Variants in FOXP1 observed in about 807,000 individuals in gnomAD.
FOXP1 encodes forkhead box P1.
In FOXP1, 15 loss-of-function variants were observed where a neutral mutation model predicts 98.2. The observed-to-expected ratio is 0.15, with a 90% CI of 0.10 to 0.24. The LOEUF is 0.24. Ranked by LOEUF, FOXP1 falls within the 10% of genes least tolerant of loss-of-function variation. The pLI, the probability that FOXP1 is intolerant of heterozygous loss-of-function variation, is 1.00. For synonymous variants in FOXP1, 371 were observed against 314.5 expected, an observed-to-expected ratio of 1.18 and a Z score of -1.90; for missense variants, 633 against 848.5, an observed-to-expected ratio of 0.75 and a Z score of 3.15.
At chr3:70,974,515 T>C (rs1175038764) in intron 17 of FOXP1, among the ~76,000 whole-genome samples, 9 of 152,092 alleles carry the variant, frequency 5.9e-5, no homozygotes. Context: ...CCCAGGCTGA[T>C]CTTGAACTCC....
intron 6 of FOXP1, among the ~76,000 whole-genome samples, chr3:71,140,413 T>A (rs1469631231): frequency 6.6e-6 from 1 of 152,210 alleles, no homozygotes; most frequent in African/African-American, 2.4e-5. Flanking sequence ...AGTCTCAGAT[T>A]TTGAAGTACT....
intron 6 of FOXP1, among the ~76,000 whole-genome samples, chr3:71,172,371 G>A (rs549566727): frequency 5.3e-5 from 8 of 152,258 alleles, no homozygotes; most frequent in Middle Eastern, 3.4e-3. Context: ...GAAGGGTCTC[G>A]AGGGAATCCA....
At chr3:71,084,369 C>A (rs1313913660) in intron 7 of FOXP1, among the ~76,000 whole-genome samples, 2 of 151,426 alleles carry the variant, frequency 1.3e-5, no homozygotes, top group African/African-American at 4.8e-5. Context: ...TTTTTTCCCC[C>A]AAAAACAAAC....
chr3:70,988,467 G>C (rs565848696), intron 13 of FOXP1, among the ~76,000 whole-genome samples: 17 of 152,356 alleles, frequency 1.1e-4, no homozygotes, highest in Admixed American at 2.0e-4. Flanking sequence ...AAAACTCCTA[G>C]ACAGATGGAT....
At chr3:71,405,716 GTATT>G (rs527362472) in intron 3 of FOXP1, among the ~76,000 whole-genome samples, 46 of 151,998 alleles carry the variant, frequency 3.0e-4, no homozygotes, top group Admixed American at 2.1e-3. Flanking sequence ...CCAGGCAACA[GTATT>G]TATTTATTTA....
intron 3 of FOXP1, among the ~76,000 whole-genome samples, chr3:71,389,257 GGGGGGC>G (rs1415883438): frequency 3.0e-5 from 3 of 100,084 alleles, no homozygotes; most frequent in African/African-American, 1.1e-4. Context: ...GGGGGGCCGG[GGGGGGC>G]GGGTTATAAA....
intron 5 of FOXP1, among the ~76,000 whole-genome samples, chr3:71,270,128 C>T (rs1478328228): frequency 6.6e-6 from 1 of 152,170 alleles, no homozygotes; most frequent in Non-Finnish European, 1.5e-5. Context: ...AAGCATTTAA[C>T]TTCCTTGTTA....
At chr3:71,158,113 G>GAGGAAGGA (rs1560038328) in intron 6 of FOXP1, among the ~76,000 whole-genome samples, 58 of 26,156 alleles carry the variant, frequency 2.2e-3, no homozygotes, top group African/African-American at 4.7e-3. Context: ...GGAAGGGAGG[G>GAGGAAGGA]AGGGAGGGAG....
At chr3:71,370,713 TCTCAAACTTGCATG>T (rs1344993887) in intron 3 of FOXP1, among the ~76,000 whole-genome samples, 1 of 151,958 alleles carries the variant, frequency 6.6e-6, no homozygotes, top group Non-Finnish European at 1.5e-5. Context: ...ATAACGGGCT[TCTCAAACTTGCATG>T]CTCATCAAAA....
chr3:71,090,041 C>A (rs938084060), intron 7 of FOXP1, among the ~76,000 whole-genome samples: 1 of 152,038 alleles, frequency 6.6e-6, no homozygotes, highest in Non-Finnish European at 1.5e-5. Flanking sequence ...TTTTTTAAAT[C>A]TTTGCAAAGA....
chr3:71,406,407 A>ATGTG (rs2082344348), intron 3 of FOXP1, among the ~76,000 whole-genome samples: 2 of 101,620 alleles, frequency 2.0e-5, no homozygotes, highest in African/African-American at 3.3e-5. Flanking sequence ...CTGTATGTGT[A>ATGTG]TATATATATA....
intron 3 of FOXP1, among the ~76,000 whole-genome samples, chr3:71,454,825 T>A (rs2087310860): frequency 6.6e-6 from 1 of 151,930 alleles, no homozygotes; most frequent in Non-Finnish European, 1.5e-5. Flanking sequence ...AACTGCTTTC[T>A]GAGCGCCATC....
chr3:71,244,471 G>T (rs2067548875), intron 5 of FOXP1, among the ~76,000 whole-genome samples: 1 of 142,592 alleles, frequency 7.0e-6, no homozygotes, highest in Non-Finnish European at 1.5e-5. Context: ...AGACCATGAG[G>T]ATTTGGAAAA....
chr3:71,412,287 C>T (rs181309938), intron 3 of FOXP1, among the ~76,000 whole-genome samples: 1 of 152,110 alleles, frequency 6.6e-6, no homozygotes, highest in Admixed American at 6.5e-5. Flanking sequence ...CATGAGGGCT[C>T]AAAGTTACTA....
intron 6 of FOXP1, among the ~76,000 whole-genome samples, chr3:71,125,266 T>C (rs1408897471): frequency 6.6e-6 from 1 of 152,220 alleles, no homozygotes; most frequent in Non-Finnish European, 1.5e-5. Flanking sequence ...ACAGAAAGTT[T>C]ATGTAATGTG....
intron 3 of FOXP1, among the ~76,000 whole-genome samples, chr3:71,431,695 C>T (rs1417493968): frequency 6.6e-6 from 1 of 152,204 alleles, no homozygotes; most frequent in African/African-American, 2.4e-5. Context: ...CTTCAGAACT[C>T]CTACCTGCAA....
chr3:71,321,868 C>T lies in FOXP1; in HGVS notation c.-72-21988G>A, dbSNP rs558713759. Among the ~76,000 whole-genome samples the T allele has an allele frequency of 7.9e-5, 12 of 152,282 alleles. No individual in the cohort carries two copies. The South Asian group carries it at 2.3e-3, about 29-fold the overall frequency. On this transcript the variant is annotated intron_variant, in intron 4 of 20. Transcript: ENST00000649528. ...GATCTCCTGACCTGTGATCCGCCTG[C>T]CTCGGCCTCCCAAAGTGCTGGGATT... is the stretch of plus-strand genomic sequence containing the variant.
At chr3:71,254,607 A>G (rs1468585354) in intron 5 of FOXP1, among the ~76,000 whole-genome samples, 1 of 152,194 alleles carries the variant, frequency 6.6e-6, no homozygotes, top group Non-Finnish European at 1.5e-5. Flanking sequence ...TTCATCAATC[A>G]CAACCATTTT....
chr3:71,283,085 C>T (rs78771870), intron 5 of FOXP1, among the ~76,000 whole-genome samples: 1,525 of 152,316 alleles, frequency 0.01, 30 homozygotes, highest in African/African-American at 0.034. Context: ...CATGGGTACC[C>T]ATCTGCCTTC....
Sources: allele counts gnomAD v4.1 joint callset (sites outside exome capture counted in the v4.1 genomes callset), GRCh38; gene constraint gnomAD v4.1.1; transcripts MANE v1.5; gene names NCBI Gene and HGNC (gene_info 2026-07-23, HGNC 2026-07-21).